PARN: variants seen among roughly 807,000 people sequenced by gnomAD.
PARN encodes poly(A)-specific ribonuclease.
In PARN, 71 loss-of-function variants were observed where a neutral mutation model predicts 102.8. The observed-to-expected ratio is 0.69, with a 90% CI of 0.57 to 0.84. The LOEUF is 0.84. Ranked by LOEUF, PARN falls within the 40% of genes least tolerant of loss-of-function variation. The probability of loss-of-function intolerance (pLI) is 0.00; values close to 1 mark genes in which losing one functional copy is unlikely to be tolerated. For missense variants in PARN, 782 were observed against 760.9 expected (o/e 1.03, Z -0.33); for synonymous variants, 261 against 252.9 (o/e 1.03, Z -0.30).
chr16:14,437,239 G>A (rs1596414994), intron 23 of PARN, among the ~76,000 whole-genome samples: 1 of 152,218 alleles, frequency 6.6e-6, no homozygotes, highest in African/African-American at 2.4e-5. Flanking sequence ...GCAAGTGGCT[G>A]AGATGGGGTC....
intron 21 of PARN, among the ~76,000 whole-genome samples, chr16:14,530,307 G>A (rs192933881): frequency 6.6e-6 from 1 of 152,262 alleles, no homozygotes; most frequent in Non-Finnish European, 1.5e-5. Flanking sequence ...CACCTGAGGA[G>A]GGAGAGCTCT....
intron 21 of PARN, among the ~76,000 whole-genome samples, chr16:14,495,660 G>A (rs1964278254): frequency 2.0e-5 from 3 of 152,200 alleles, no homozygotes; most frequent in Non-Finnish European, 4.4e-5. Context: ...ATTCCGAAAA[G>A]GAAGGAAAGA....
intron 21 of PARN, among the ~76,000 whole-genome samples, chr16:14,492,539 C>T (rs989584379): frequency 6.6e-6 from 1 of 152,122 alleles, no homozygotes; most frequent in Admixed American, 6.5e-5. Context: ...TGTAGCAGAA[C>T]AGGGCAGAGT....
chr16:14,559,835 C>T (rs894927751), intron 18 of PARN, among the ~76,000 whole-genome samples: 6 of 152,276 alleles, frequency 3.9e-5, no homozygotes, highest in East Asian at 1.9e-4. Context: ...CTCCAAAACC[C>T]GGAAGAACAC....
chr16:14,524,696 C>T (rs1284548542), intron 21 of PARN, among the ~76,000 whole-genome samples: 1 of 152,046 alleles, frequency 6.6e-6, no homozygotes, highest in African/African-American at 2.4e-5. Flanking sequence ...ATCTCAGAAA[C>T]AATATGAAAA....
intron 21 of PARN, among the ~76,000 whole-genome samples, chr16:14,542,804 G>GA (rs1320998949): frequency 7.2e-5 from 11 of 152,074 alleles, no homozygotes; most frequent in Non-Finnish European, 1.6e-4. Context: ...AACGAACACA[G>GA]AAAAAAGGAA....
At chr16:14,603,511 T>C (rs1192812660) in intron 11 of PARN, among the ~76,000 whole-genome samples, 1 of 151,994 alleles carries the variant, frequency 6.6e-6, no homozygotes, top group Non-Finnish European at 1.5e-5. Context: ...GTTGTGCAAA[T>C]GTCTGGCATG....
intron 18 of PARN, among the ~76,000 whole-genome samples, chr16:14,559,077 T>C (rs1967884395): frequency 6.6e-6 from 1 of 152,046 alleles, no homozygotes; most frequent in South Asian, 2.1e-4. Context: ...GCAATTCTTG[T>C]ATTTCTGTTT....
At chr16:14,486,356 G>A (rs1025689796) in intron 21 of PARN, among the ~76,000 whole-genome samples, 8 of 152,168 alleles carry the variant, frequency 5.3e-5, no homozygotes, top group African/African-American at 1.9e-4. Context: ...GGGCAACACA[G>A]CAAGACCCTA....
chr16:14,613,300 A>G (rs1222194419), intron 6 of PARN, among the ~76,000 whole-genome samples: 1 of 118,866 alleles, frequency 8.4e-6, no homozygotes, highest in African/African-American at 3.3e-5. Flanking sequence ...CAAGGGTGAA[A>G]CTCCATCTCA....
chr16:14,521,473 C>T (rs965532737), intron 21 of PARN, among the ~76,000 whole-genome samples: 4 of 152,206 alleles, frequency 2.6e-5, no homozygotes, highest in Non-Finnish European at 4.4e-5. Flanking sequence ...GCCACAGGAA[C>T]GCTTTTGCTT....
chr16:14,563,522 G>GTGTGTGTATA (rs1423811963), intron 18 of PARN, among the ~76,000 whole-genome samples: 11 of 149,266 alleles, frequency 7.4e-5, no homozygotes, highest in African/African-American at 2.0e-4. Context: ...GTGTGTGTGT[G>GTGTGTGTATA]TATATAATTC....
chr16:14,473,352 A>G (rs564026392), intron 22 of PARN, among the ~76,000 whole-genome samples: 1 of 152,250 alleles, frequency 6.6e-6, no homozygotes, highest in African/African-American at 2.4e-5. Flanking sequence ...TTAACTTATA[A>G]GATCTACATT....
At chr16:14,485,841 C>A (rs1432861604) in intron 21 of PARN, among the ~76,000 whole-genome samples, 1 of 152,108 alleles carries the variant, frequency 6.6e-6, no homozygotes, top group Non-Finnish European at 1.5e-5. Flanking sequence ...GCGTGCGCCA[C>A]GACGCCTGGC....
intron 22 of PARN, among the ~76,000 whole-genome samples, chr16:14,475,780 C>T (rs1181808346): frequency 6.6e-6 from 1 of 152,218 alleles, no homozygotes; most frequent in Non-Finnish European, 1.5e-5. Context: ...TCGTACCTTT[C>T]TAATTATGGA....
intron 21 of PARN, among the ~76,000 whole-genome samples, chr16:14,527,048 T>C (rs2151661955): frequency 6.6e-6 from 1 of 152,338 alleles, no homozygotes; most frequent in African/African-American, 2.4e-5. Flanking sequence ...AAAGTCTCCA[T>C]TGTTAAATAA....
chr16:14,488,256 G>C (rs1350491693), intron 21 of PARN, among the ~76,000 whole-genome samples: 2 of 152,190 alleles, frequency 1.3e-5, no homozygotes, highest in African/African-American at 2.4e-5. Context: ...TGGATGAAGA[G>C]CTGAAATGTC....
intron 13 of PARN, among the ~76,000 whole-genome samples, chr16:14,592,643 T>C (rs970382579): frequency 3.3e-5 from 5 of 152,134 alleles, no homozygotes; most frequent in Admixed American, 3.3e-4. Flanking sequence ...AAGAATTCTG[T>C]AGGACTGGAC....
At chr16:14,468,716 A>C (rs1962519873) in intron 22 of PARN, among the ~76,000 whole-genome samples, 1 of 152,158 alleles carries the variant, frequency 6.6e-6, no homozygotes, top group African/African-American at 2.4e-5. Flanking sequence ...CCAACATTTT[A>C]TTATGAAAAC....
Sources: gnomAD v4.1 joint callset for allele counts (sites outside exome capture counted in the v4.1 genomes callset) on GRCh38, gnomAD v4.1.1 for gene constraint, MANE v1.5 for transcripts, NCBI Gene and HGNC (gene_info 2026-07-23, HGNC 2026-07-21) for gene names.